The following THSD7B variants were observed in gnomAD, a reference collection of about 807,000 sequenced individuals.
The protein encoded by THSD7B is thrombospondin type-1 domain-containing protein 7B.
Under a neutral mutation model 213.6 loss-of-function variants are expected in THSD7B, and 138 were observed. That is an observed-to-expected ratio of 0.65 (90% CI 0.56 to 0.74). The LOEUF (loss-of-function observed/expected upper bound fraction) is 0.74. Ranked by LOEUF, THSD7B falls within the 30% of genes least tolerant of loss-of-function variation. The pLI is 0.00. For missense variants in THSD7B, 1,931 were observed against 1,991.5 expected, an observed-to-expected ratio of 0.97 and a Z score of 0.58; for synonymous variants, 742 against 687.0, an observed-to-expected ratio of 1.08 and a Z score of -1.25.
intron 2 of THSD7B, among the ~76,000 whole-genome samples, chr2:136,927,475 A>G (rs1373724265): frequency 6.6e-6 from 1 of 152,208 alleles, no homozygotes; most frequent in Non-Finnish European, 1.5e-5. Context: ...ATCTTTTGAC[A>G]TTTAGATAAT....
At chr2:137,244,662 G>C (rs944521049) in intron 10 of THSD7B, among the ~76,000 whole-genome samples, 1 of 152,134 alleles carries the variant, frequency 6.6e-6, no homozygotes, top group Non-Finnish European at 1.5e-5. Context: ...CTAAGTCTCT[G>C]TGGTCTCTCT....
chr2:136,765,681 G>A lies in THSD7B; in HGVS notation c.-42G>A, dbSNP rs1384511519. On this transcript the variant is annotated 5_prime_UTR_variant, in exon 1 of 28. Transcript: ENST00000409968. ...CAGAGGTTACGGCGGCGGCTCTGGC[G>A]AGACGGGTGAGTGCAAGCACGCGGA... The A allele has an allele frequency of 6.6e-6, 1 of 152,250 alleles. No individual in the cohort carries two copies. The highest frequency in any genetic ancestry group is 2.4e-5 in the African/African-American group (1 of 41,452). The allele number at this position is 152,250 out of a possible 1,614,324, so 9.4% of individuals were successfully genotyped here.
At chr2:136,828,853 T>A (rs982392165) in intron 1 of THSD7B, among the ~76,000 whole-genome samples, 1 of 152,218 alleles carries the variant, frequency 6.6e-6, no homozygotes, top group African/African-American at 2.4e-5. Context: ...ATCTCTCACA[T>A]AGCAACATGG....
intron 10 of THSD7B, among the ~76,000 whole-genome samples, chr2:137,244,159 T>C (rs940635022): frequency 6.6e-6 from 1 of 152,230 alleles, no homozygotes; most frequent in Non-Finnish European, 1.5e-5. Context: ...TTGGGAATTT[T>C]AATCATAATG....
intron 4 of THSD7B, among the ~76,000 whole-genome samples, chr2:137,097,056 C>T (rs1393985496): frequency 1.3e-5 from 2 of 152,198 alleles, no homozygotes; most frequent in East Asian, 3.8e-4. Context: ...TATTTCCCTT[C>T]AGAGGCTTAC....
chr2:137,203,856 G>A (rs555408125), intron 7 of THSD7B, among the ~76,000 whole-genome samples: 124 of 152,124 alleles, frequency 8.2e-4, no homozygotes, highest in African/African-American at 2.7e-3. Context: ...ACACACACAC[G>A]TTTGCATGAA....
intron 5 of THSD7B, among the ~76,000 whole-genome samples, chr2:137,149,059 A>G (rs1251844742): frequency 1.3e-5 from 2 of 152,162 alleles, no homozygotes; most frequent in Non-Finnish European, 2.9e-5. Context: ...CTCCTGCTCT[A>G]TGCAGCCTCG....
chr2:137,518,986 G>A (rs986287124), intron 15 of THSD7B, among the ~76,000 whole-genome samples: 6 of 152,170 alleles, frequency 3.9e-5, no homozygotes, highest in African/African-American at 9.7e-5. Flanking sequence ...GGTGGCTCAC[G>A]CCTGTAATCC....
intron 15 of THSD7B, among the ~76,000 whole-genome samples, chr2:137,557,478 G>A (rs13413570): frequency 0.11 from 16,747 of 152,052 alleles, 1,701 homozygotes; most frequent in African/African-American, 0.26. Context: ...GGTACATAAT[G>A]AAATGAAGGC....
At chr2:136,983,048 G>A (rs1446768122) in intron 2 of THSD7B, among the ~76,000 whole-genome samples, 1 of 150,998 alleles carries the variant, frequency 6.6e-6, no homozygotes, top group Non-Finnish European at 1.5e-5. Flanking sequence ...GTTTCTTTTG[G>A]GGCCCATCTA....
intron 2 of THSD7B, among the ~76,000 whole-genome samples, chr2:136,943,328 G>T (rs1407357097): frequency 6.6e-6 from 1 of 152,164 alleles, no homozygotes; most frequent in Non-Finnish European, 1.5e-5. Flanking sequence ...CAGGGATATT[G>T]GTCTAAAATT....
At chr2:136,931,161 C>G (rs1171173495) in intron 2 of THSD7B, among the ~76,000 whole-genome samples, 1 of 152,078 alleles carries the variant, frequency 6.6e-6, no homozygotes, top group Non-Finnish European at 1.5e-5. Flanking sequence ...AATGTAGCCC[C>G]AAAGTAGAAG....
At chr2:137,022,026 G>T (rs1686453971) in intron 2 of THSD7B, among the ~76,000 whole-genome samples, 2 of 152,130 alleles carry the variant, frequency 1.3e-5, no homozygotes. Context: ...TCAATAGTTT[G>T]TCCTTTTTAA....
intron 12 of THSD7B, among the ~76,000 whole-genome samples, chr2:137,356,961 CACACAG>C (rs1380620637): frequency 0.025 from 1,676 of 67,204 alleles, 19 homozygotes; most frequent in Admixed American, 0.048. Context: ...CACACACACA[CACACAG>C]ACACACACAC....
chr2:137,082,642 G>T (rs529737626), intron 3 of THSD7B, among the ~76,000 whole-genome samples: 1 of 151,890 alleles, frequency 6.6e-6, no homozygotes, highest in Non-Finnish European at 1.5e-5. Context: ...TATATTTTTG[G>T]GTTTCCATTT....
Position 136,939,010 on chromosome 2 carries a change from T to G in THSD7B, c.139+56693T>G, listed in dbSNP as rs118152588. On this transcript the variant is annotated intron_variant, in intron 2 of 27. Coordinates refer to ENST00000409968, the MANE Select transcript of THSD7B (RefSeq NM_001316349.2). ...AGTAATGGGAAGGATCTTACATGAC[T>G]CCTTTGCTGTTCGTTGAGTCCCTAT... 1.7e-3 allele frequency among the ~76,000 whole-genome samples: 266 copies of G among 152,342 alleles called. 4 individuals carry two copies. In the East Asian group the frequency reaches 0.046, roughly 26 times the overall value.
intron 12 of THSD7B, among the ~76,000 whole-genome samples, chr2:137,284,263 T>C (rs1442876971): frequency 1.3e-5 from 2 of 152,182 alleles, no homozygotes; most frequent in African/African-American, 4.8e-5. Context: ...TGTCATTTTT[T>C]ATTGCATCTA....
At chr2:137,555,269 G>A (rs939076888) in intron 15 of THSD7B, among the ~76,000 whole-genome samples, 5 of 152,218 alleles carry the variant, frequency 3.3e-5, no homozygotes, top group Admixed American at 2.0e-4. Context: ...TGACCCCCGA[G>A]TAGCCTATCT....
At chr2:137,014,717 TCA>T (rs1361321503) in intron 2 of THSD7B, among the ~76,000 whole-genome samples, 2 of 152,208 alleles carry the variant, frequency 1.3e-5, no homozygotes, top group African/African-American at 4.8e-5. Flanking sequence ...AGCTGCTCTC[TCA>T]GTTTATCTGG....
Sources: gnomAD v4.1 joint callset for allele counts (sites outside exome capture counted in the v4.1 genomes callset) on GRCh38, gnomAD v4.1.1 for gene constraint, MANE v1.5 for transcripts, NCBI Gene and HGNC (gene_info 2026-07-23, HGNC 2026-07-21) for gene names.